The following ADCY8 variants were observed in gnomAD, a reference collection of about 807,000 sequenced individuals.
ADCY8 encodes the protein adenylate cyclase 8.
In ADCY8, 51 loss-of-function variants were observed where a neutral mutation model predicts 119.7. The observed-to-expected ratio is 0.43, with a 90% CI of 0.34 to 0.54. The LOEUF (loss-of-function observed/expected upper bound fraction) is 0.54, where lower values mean the gene tolerates loss of function less well. Among genes scored for constraint, ADCY8 ranks in the 20% least tolerant of loss-of-function variants. The pLI, the probability that ADCY8 is intolerant of heterozygous loss-of-function variation, is 0.03. For synonymous variants in ADCY8, 665 were observed against 651.0 expected (o/e 1.02, Z -0.33); for missense variants, 1,383 against 1,598.8 (o/e 0.87, Z 2.30).
chr8:130,838,216 A>G (rs1817045647), intron 11 of ADCY8, among the ~76,000 whole-genome samples: 1 of 152,122 alleles, frequency 6.6e-6, no homozygotes, highest in African/African-American at 2.4e-5. Context: ...CAGAGGGCAA[A>G]GGCCCCATGC....
intron 12 of ADCY8, among the ~76,000 whole-genome samples, chr8:130,825,127 T>C (rs932960644): frequency 6.6e-6 from 1 of 152,246 alleles, no homozygotes; most frequent in African/African-American, 2.4e-5. Flanking sequence ...ATGTGTACTA[T>C]GTGTAATGAT....
intron 1 of ADCY8, among the ~76,000 whole-genome samples, chr8:131,032,106 T>C (rs546910233): frequency 5.3e-5 from 8 of 152,348 alleles, no homozygotes; most frequent in African/African-American, 1.9e-4. Flanking sequence ...GTTTTTTGTT[T>C]TTATGTGAAA....
chr8:130,895,873 T>A (rs1435260729), intron 7 of ADCY8, among the ~76,000 whole-genome samples: 2 of 152,152 alleles, frequency 1.3e-5, no homozygotes, highest in Non-Finnish European at 2.9e-5. Context: ...CTGTAACTTA[T>A]CACAGAAGCA....
intron 13 of ADCY8, among the ~76,000 whole-genome samples, chr8:130,816,696 A>T (rs930373765): frequency 2.0e-5 from 3 of 152,120 alleles, no homozygotes; most frequent in Non-Finnish European, 4.4e-5. Flanking sequence ...AAGTGCTGGG[A>T]TTACAGGCAT....
At chr8:131,017,890 A>G (rs1234017277) in intron 1 of ADCY8, among the ~76,000 whole-genome samples, 1 of 152,222 alleles carries the variant, frequency 6.6e-6, no homozygotes, top group Non-Finnish European at 1.5e-5. Flanking sequence ...CTTGGAAGTT[A>G]AGAAACCTTT....
At chr8:130,901,155 G>C (rs1035976364) in intron 7 of ADCY8, among the ~76,000 whole-genome samples, 1 of 151,514 alleles carries the variant, frequency 6.6e-6, no homozygotes, top group African/African-American at 2.4e-5. Flanking sequence ...TGTGGTAAGT[G>C]AAACGGATAT....
chr8:130,967,993 G>C (rs1022714116), intron 2 of ADCY8, among the ~76,000 whole-genome samples: 4 of 152,140 alleles, frequency 2.6e-5, no homozygotes, highest in African/African-American at 9.7e-5. Flanking sequence ...GCTCCCTTGT[G>C]AGATTATTGA....
intron 7 of ADCY8, among the ~76,000 whole-genome samples, chr8:130,899,163 AG>A (rs1819510428): frequency 6.6e-6 from 1 of 152,118 alleles, no homozygotes; most frequent in African/African-American, 2.4e-5. Flanking sequence ...TTTGCATGAG[AG>A]TCCTTTTAGC....
chr8:130,838,119 A>G (rs1178485415), intron 11 of ADCY8, among the ~76,000 whole-genome samples: 1 of 152,212 alleles, frequency 6.6e-6, no homozygotes, highest in Admixed American at 6.5e-5. Context: ...TTGTTTACAG[A>G]TTTCTAAGCC....
intron 12 of ADCY8, among the ~76,000 whole-genome samples, chr8:130,830,307 G>T (rs2130239675): frequency 6.6e-6 from 1 of 152,266 alleles, no homozygotes; most frequent in African/African-American, 2.4e-5. Flanking sequence ...CACGTGTACA[G>T]TAAGGAGCAG....
At chr8:130,917,390 G>A (rs1482996237) in intron 5 of ADCY8, among the ~76,000 whole-genome samples, 3 of 152,162 alleles carry the variant, frequency 2.0e-5, no homozygotes, top group Non-Finnish European at 2.9e-5. Context: ...TAAGTCACAC[G>A]GGTGTTAGGT....
Position 130,856,135 on chromosome 8 carries a change from A to G in ADCY8, c.2211-6332T>C, listed in dbSNP as rs149825048. On this transcript the variant is annotated intron_variant, in intron 9 of 17. Transcript: ENST00000286355. ...AGGAGCCAGGTGAGCTGTCACTGTC[A>G]TCTCCTCTGGGAAGCCTGCCCCAGA... is the stretch of plus-strand genomic sequence containing the variant. Among the ~76,000 whole-genome samples, 51 of 151,756 alleles carry G rather than the reference A, an allele frequency of 3.4e-4. No individual in the cohort carries two copies. The East Asian group carries it at 8.0e-3, about 24-fold the overall frequency.
chr8:130,997,335 A>G (rs1822811480), intron 1 of ADCY8, among the ~76,000 whole-genome samples: 1 of 152,186 alleles, frequency 6.6e-6, no homozygotes, highest in Admixed American at 6.5e-5. Context: ...GTACTGAAAT[A>G]GGAAGAATAA....
intron 2 of ADCY8, among the ~76,000 whole-genome samples, chr8:130,975,138 G>C (rs1822033595): frequency 6.6e-6 from 1 of 152,190 alleles, no homozygotes; most frequent in African/African-American, 2.4e-5. Context: ...CGTGGGAGAG[G>C]TGAGAGGAGA....
chr8:131,016,981 T>C (rs564333841), intron 1 of ADCY8, among the ~76,000 whole-genome samples: 1 of 152,188 alleles, frequency 6.6e-6, no homozygotes, highest in African/African-American at 2.4e-5. Flanking sequence ...CTATCTAGGA[T>C]GTTGGAGAAA....
At chr8:130,887,463 A>G (rs1033870438) in intron 7 of ADCY8, among the ~76,000 whole-genome samples, 21 of 152,070 alleles carry the variant, frequency 1.4e-4, no homozygotes, top group Non-Finnish European at 2.9e-5. Context: ...CCATGTAGTT[A>G]TTTTTATTCT....
chr8:130,808,554 G>A (rs1050755206), intron 14 of ADCY8, among the ~76,000 whole-genome samples: 2 of 152,146 alleles, frequency 1.3e-5, no homozygotes, highest in African/African-American at 4.8e-5. Flanking sequence ...TCCAGAAAGG[G>A]TTATTATCAT....
intron 8 of ADCY8, among the ~76,000 whole-genome samples, chr8:130,881,780 G>T (rs1447105368): frequency 1.3e-5 from 2 of 151,914 alleles, no homozygotes; most frequent in East Asian, 3.9e-4. Context: ...AGGGAGGTTT[G>T]CAATTGCTTC....
chr8:130,928,281 C>T (rs1343256263), intron 5 of ADCY8, among the ~76,000 whole-genome samples: 1 of 152,144 alleles, frequency 6.6e-6, no homozygotes, highest in Non-Finnish European at 1.5e-5. Flanking sequence ...TATTATTGCT[C>T]AGGCTAGTCT....
Sources: gnomAD v4.1 joint callset for allele counts (sites outside exome capture counted in the v4.1 genomes callset) on GRCh38, gnomAD v4.1.1 for gene constraint, MANE v1.5 for transcripts, NCBI Gene and HGNC (gene_info 2026-07-23, HGNC 2026-07-21) for gene names.